COL4A2: variants seen among roughly 807,000 people sequenced by gnomAD.
COL4A2 encodes collagen alpha-2(IV) chain.
A neutral mutation model predicts 200.2 loss-of-function variants in COL4A2; 99 were observed. The observed-to-expected ratio is 0.49, with a 90% CI of 0.42 to 0.58. The LOEUF is 0.58. Among genes scored for constraint, COL4A2 ranks in the 20% least tolerant of loss-of-function variants. The probability of loss-of-function intolerance (pLI) is 0.00; values close to 1 mark genes in which losing one functional copy is unlikely to be tolerated. For synonymous variants in COL4A2, 897 were observed against 900.6 expected, an observed-to-expected ratio of 1.00 and a Z score of 0.07; for missense variants, 1,950 against 2,314.1, an observed-to-expected ratio of 0.84 and a Z score of 3.23.
At chr13:110,463,897 G>T (rs1882130966) in intron 24 of COL4A2, among the ~76,000 whole-genome samples, 1 of 152,148 alleles carries the variant, frequency 6.6e-6, no homozygotes, top group African/African-American at 2.4e-5. Flanking sequence ...TTCTATGATT[G>T]GGTATCTTAA....
In COL4A2 at chr13:110,485,754, C is replaced by T. The variant is rs1479434007; in HGVS notation, c.3125C>T (p.Pro1042Leu). Residue 1042 changes from proline (P) to leucine (L), a missense_variant, in exon 34 of 48, where the codon CCC (proline) becomes CTC (leucine). This residue lies in a region of COL4A2 where 1,385 missense variants were observed against 1,720.5 expected (regional missense o/e 0.80). Transcript: ENST00000360467. Reference protein sequence around the residue: ...IKGVKGDIGVPGIPGLPGFPG... With the variant: ...IKGVKGDIGVLGIPGLPGFPG... ...GGAGTCAAGGGAGACATCGGAGTCC[C>T]CGGCATCCCCGGTTTGCCAGGATTC... The T allele has an allele frequency of 6.2e-6, 10 of 1,613,794 alleles. No homozygotes were observed. The highest frequency in any genetic ancestry group is 8.5e-6 in the Non-Finnish European group (10 of 1,179,956).
At chr13:110,485,872 G>T (rs767188737) in intron 34 of COL4A2, 36 bp downstream of exon 34, 1 of 1,607,988 alleles carries the variant, frequency 6.2e-7, no homozygotes. Flanking sequence ...TGTTCTGTGA[G>T]CTCCTCTCCC....
chr13:110,464,781 C>A lies in COL4A2; in HGVS notation c.1777-624C>A, dbSNP rs148229291. On this transcript the variant is annotated intron_variant, in intron 24 of 47. Transcript: ENST00000360467. ...CCAGCACGTGGGGACAGCACCGAGC[C>A]GTGCCGTGGTGTGTGCGCAGATCAC... Among the ~76,000 whole-genome samples the A allele has an allele frequency of 2.8e-3, 423 of 152,232 alleles. 3 individuals carry two copies. The highest frequency in any genetic ancestry group is 0.01 in the Middle Eastern group (3 of 294).
chr13:110,456,466 A>G (rs751080154), intron 20 of COL4A2: 5 of 322,504 alleles, frequency 1.6e-5, no homozygotes, highest in African/African-American at 4.4e-5. Context: ...TCCAAGTTAC[A>G]TGATCAAAAA....
intron 4 of COL4A2, among the ~76,000 whole-genome samples, chr13:110,403,379 T>C (rs1350889818): frequency 3.3e-5 from 5 of 152,232 alleles, no homozygotes; most frequent in Admixed American, 3.3e-4. Flanking sequence ...CTGCCAAATA[T>C]CCTATTTTAT....
At chr13:110,455,072 C>G (rs915480769) in intron 20 of COL4A2, among the ~76,000 whole-genome samples, 3 of 152,146 alleles carry the variant, frequency 2.0e-5, no homozygotes, top group African/African-American at 7.2e-5. Flanking sequence ...TGTGTGTGCC[C>G]TTGCTATCCA....
chr13:110,494,176 T>C (rs1260107028), intron 39 of COL4A2, among the ~76,000 whole-genome samples: 2 of 152,214 alleles, frequency 1.3e-5, no homozygotes, highest in African/African-American at 4.8e-5. Context: ...ACTCATTATT[T>C]CCAAAAGCCA....
chr13:110,357,049 C>T (rs1048730044), intron 3 of COL4A2, among the ~76,000 whole-genome samples: 20 of 152,152 alleles, frequency 1.3e-4, no homozygotes, highest in Non-Finnish European at 2.8e-4. Context: ...CAGGCGTGAG[C>T]GACCGCGCCC....
chr13:110,345,202 A>G (rs1474108815), intron 3 of COL4A2, among the ~76,000 whole-genome samples: 1 of 152,234 alleles, frequency 6.6e-6, no homozygotes, highest in African/African-American at 2.4e-5. Context: ...TATGGAGGAC[A>G]TTCCAAGCTG....
rs1881304615 is a variant in COL4A2 at position 110,445,945 on chromosome 13, C to T, written c.1011+63C>T. 7.0e-6 allele frequency: 11 copies of T among 1,579,670 alleles called. No homozygotes were observed. In the South Asian group the frequency reaches 1.1e-4, roughly 16 times the overall value. On this transcript the variant is annotated intron_variant, in intron 17 of 47. Coordinates refer to ENST00000360467, the MANE Select transcript of COL4A2 (RefSeq NM_001846.4). ...CTCGCCCACCCTGGCTGGCCTTACTCCCCTCTTGATGGTGTCCTGTGGAGG... is the reference window on the plus strand; with the variant it reads ...CTCGCCCACCCTGGCTGGCCTTACTTCCCTCTTGATGGTGTCCTGTGGAGG...
chr13:110,378,992 G>T (rs942658112), intron 4 of COL4A2, among the ~76,000 whole-genome samples: 2 of 152,170 alleles, frequency 1.3e-5, no homozygotes, highest in South Asian at 2.1e-4. Flanking sequence ...GGAGCCGGGG[G>T]CATTTGGGCC....
In COL4A2 at chr13:110,424,753, GC is replaced by G; in HGVS notation, c.205del (p.Gln69ArgfsTer30). The G allele has an allele frequency of 6.2e-7, 1 of 1,609,560 alleles. No individual in the cohort carries two copies. Among genetic ancestry groups the G allele is most frequent in the Non-Finnish European group, 8.5e-7 (1 of 1,176,092 alleles). On this transcript the variant is annotated frameshift_variant, in exon 5 of 48. Transcript: ENST00000360467. LOFTEE classifies it high-confidence loss of function. ...KGGRGQPGPV[G>X]PQGYNGPPGL... Reference sequence around the variant, plus strand: ...CCACAGGGTCAGCCTGGGCCAGTGGGCCCCCAGGGGTACAATGGGCCACCAG... The same window carrying G: ...CCACAGGGTCAGCCTGGGCCAGTGGGCCCCAGGGGTACAATGGGCCACCAG...
chr13:110,418,645 A>G (rs1430547819), intron 4 of COL4A2, among the ~76,000 whole-genome samples: 1 of 152,264 alleles, frequency 6.6e-6, no homozygotes, highest in East Asian at 1.9e-4. Context: ...CCAAGGGTCC[A>G]TATAGTTCTA....
In COL4A2 at chr13:110,486,840, G is replaced by C. The variant is rs560170029; in HGVS notation, c.3207+1004G>C. Among the ~76,000 whole-genome samples the C allele has an allele frequency of 3.2e-3, 493 of 152,272 alleles. 5 individuals carry two copies. The highest frequency in any genetic ancestry group is 3.6e-3 in the Non-Finnish European group (248 of 68,012). Reference sequence around the variant, plus strand: ...TTGAGCCAGGCTGAGCCAGGAGAAGGAATTTCACAAGATAATGTCATCAGT... The same window carrying C: ...TTGAGCCAGGCTGAGCCAGGAGAAGCAATTTCACAAGATAATGTCATCAGT... On this transcript the variant is annotated intron_variant, in intron 34 of 47. Transcript: ENST00000360467.
chr13:110,473,825 G>T (rs1255799427), intron 29 of COL4A2, among the ~76,000 whole-genome samples: 1 of 152,146 alleles, frequency 6.6e-6, no homozygotes, highest in African/African-American at 2.4e-5. Context: ...GCCATTCAGT[G>T]TTCCAAATCA....
Position 110,331,512 on chromosome 13 carries a change from C to A in COL4A2, c.99+23389C>A, listed in dbSNP as rs553796026. 5.3e-5 allele frequency among the ~76,000 whole-genome samples: 8 copies of A among 152,292 alleles called. No homozygotes were observed. The South Asian group carries it at 1.7e-3, about 32-fold the overall frequency. On this transcript the variant is annotated intron_variant, in intron 3 of 47. Transcript: ENST00000360467. ...ACCCTCGTTACTGGGCCGCTGACTT[C>A]CACGGTGCTGAGAGGTGGGAAAGGA...
intron 20 of COL4A2, among the ~76,000 whole-genome samples, chr13:110,451,583 A>G (rs937346960): frequency 4.6e-5 from 7 of 152,202 alleles, no homozygotes; most frequent in African/African-American, 1.4e-4. Context: ...AAAGCCCCTT[A>G]TAAAACTATC....
chr13:110,383,223 G>A (rs1264726753), intron 4 of COL4A2, among the ~76,000 whole-genome samples: 1 of 152,084 alleles, frequency 6.6e-6, no homozygotes, highest in Non-Finnish European at 1.5e-5. Flanking sequence ...GTCAGAACAG[G>A]GTCCGGAAAA....
chr13:110,496,872 C>CAT, intron 40 of COL4A2, among the ~76,000 whole-genome samples: 1 of 150,166 alleles, frequency 6.7e-6, no homozygotes, highest in South Asian at 2.1e-4. Flanking sequence ...AGGGTCAGTC[C>CAT]ACCAGCACAG....
Sources: gnomAD v4.1 joint callset for allele counts (sites outside exome capture counted in the v4.1 genomes callset) on GRCh38, gnomAD v4.1.1 for gene constraint, gnomAD v4.1.1 regional missense constraint, MANE v1.5 for transcripts, NCBI Gene and HGNC (gene_info 2026-07-23, HGNC 2026-07-21) for gene names.